Variants in SPPL2A observed in about 807,000 individuals in gnomAD.
SPPL2A encodes signal peptide peptidase-like 2A.
In SPPL2A, 51 loss-of-function variants were observed where a neutral mutation model predicts 63.8. The observed-to-expected ratio is 0.80, with a 90% CI of 0.64 to 1.01. The LOEUF (loss-of-function observed/expected upper bound fraction) is 1.01. Among genes scored for constraint, SPPL2A ranks in the 50% least tolerant of loss-of-function variants. SPPL2A has a pLI of 0.00. For missense variants in SPPL2A, 553 were observed against 622.7 expected (o/e 0.89, Z 1.19); for synonymous variants, 188 against 205.8 (o/e 0.91, Z 0.74).
intron 10 of SPPL2A, among the ~76,000 whole-genome samples, chr15:50,728,772 A>G (rs1033201370): frequency 1.3e-5 from 2 of 150,600 alleles, no homozygotes; most frequent in African/African-American, 4.9e-5. Context: ...TCTCCCGAGT[A>G]GCTGGGACTA....
chr15:50,715,980 T>C (rs894557937), intron 14 of SPPL2A, among the ~76,000 whole-genome samples: 2 of 152,022 alleles, frequency 1.3e-5, no homozygotes, highest in Admixed American at 6.6e-5. Context: ...AATAATTTTA[T>C]AAGGAATTTA....
At chr15:50,726,062 A>T in intron 11 of SPPL2A, 1 of 1,441,756 alleles carries the variant, frequency 6.9e-7, no homozygotes, top group Non-Finnish European at 9.2e-7. Context: ...TATCTAAAAT[A>T]CAATCCTTAC....
intron 1 of SPPL2A, among the ~76,000 whole-genome samples, chr15:50,760,426 A>C (rs970034016): frequency 3.3e-5 from 5 of 151,940 alleles, no homozygotes; most frequent in Non-Finnish European, 7.4e-5. Flanking sequence ...GTGCCCAGCT[A>C]ATTTGTGTAT....
intron 1 of SPPL2A, among the ~76,000 whole-genome samples, chr15:50,755,175 A>G (rs907736586): frequency 6.7e-6 from 1 of 149,998 alleles, no homozygotes; most frequent in African/African-American, 2.5e-5. Context: ...AAAATCAGCC[A>G]AGCGTGGTGG....
In SPPL2A at chr15:50,739,616, T is replaced by C. The variant is rs957322385; in HGVS notation, c.733+64A>G. ...AGAATGGCTTAAAGGAAAAGATAAA[T>C]CTAGTAATAGTCAGTGAAAAGAATG... On this transcript the variant is annotated intron_variant, in intron 6 of 14. Transcript: ENST00000261854. 13 of 1,178,100 alleles carry C rather than the reference T, an allele frequency of 1.1e-5. No homozygotes were observed. The African/African-American group carries it at 1.9e-4, about 17-fold the overall frequency. 73.0% of individuals were successfully genotyped at this position (1,178,100 alleles called of 1,614,324 possible).
At chr15:50,739,539 T>A (rs2062800852) in intron 6 of SPPL2A, 141 bp downstream of exon 6, 1 of 520,208 alleles carries the variant, frequency 1.9e-6, no homozygotes, top group South Asian at 3.4e-5. Flanking sequence ...AACACTCTGA[T>A]AATTAAAAAA....
chr15:50,713,822 C>T (rs28641162), intron 14 of SPPL2A, among the ~76,000 whole-genome samples: 14,556 of 152,046 alleles, frequency 0.096, 784 homozygotes, highest in South Asian at 0.15. Flanking sequence ...AATAACCAAA[C>T]CAACAAACAA....
chr15:50,741,179 T>C (rs1390278515), intron 5 of SPPL2A, among the ~76,000 whole-genome samples: 2 of 152,126 alleles, frequency 1.3e-5, no homozygotes, highest in Non-Finnish European at 2.9e-5. Flanking sequence ...TCCTCCTAGT[T>C]ATATGCAACC....
chr15:50,706,638 A>G lies in SPPL2A; in HGVS notation c.*1162T>C, dbSNP rs896420632. On this transcript the variant is annotated 3_prime_UTR_variant, in exon 15 of 15. Transcript: ENST00000261854. ...GGGTGGGAGTGGGGGAATGTGGGAT[A>G]ATGTTAGGAATGCTGTATTCAACGA... is the stretch of plus-strand genomic sequence containing the variant. 6.6e-6 allele frequency: 1 copy of G among 152,122 alleles called. No individual in the cohort carries two copies. The highest frequency in any genetic ancestry group is 2.1e-4 in the South Asian group (1 of 4,828). 9.4% of individuals were successfully genotyped at this position (152,122 alleles called of 1,614,324 possible).
chr15:50,720,359 C>T (rs1157406294), intron 13 of SPPL2A, among the ~76,000 whole-genome samples: 1 of 151,466 alleles, frequency 6.6e-6, no homozygotes, highest in Non-Finnish European at 1.5e-5. Flanking sequence ...TTCATGAGAG[C>T]TTCAATTATC....
At chr15:50,728,642 G>C (rs926162473) in intron 10 of SPPL2A, among the ~76,000 whole-genome samples, 11 of 141,796 alleles carry the variant, frequency 7.8e-5, no homozygotes, top group African/African-American at 2.6e-4. Flanking sequence ...CACTGCGCTC[G>C]GCCAACAATT....
In SPPL2A at chr15:50,739,836, AAC is replaced by A. The variant is rs2062804705; in HGVS notation, c.585-10_585-9del. ...ACTGCTTTCAAGTTTTCCCTGTACAAACACACAGGAACTTTAGCAAATCTTAG... is the reference window on the plus strand; with the variant it reads ...ACTGCTTTCAAGTTTTCCCTGTACAAACACAGGAACTTTAGCAAATCTTAG... On this transcript the variant is annotated splice_polypyrimidine_tract_variant and intron_variant, in intron 5 of 14. Transcript: ENST00000261854. The A allele has an allele frequency of 2.5e-6, 4 of 1,574,572 alleles. No individual in the cohort carries two copies. In the South Asian group the frequency reaches 4.8e-5, roughly 19 times the overall value.
intron 12 of SPPL2A, 121 bp downstream of exon 12, chr15:50,725,100 G>C: frequency 1.4e-6 from 1 of 704,690 alleles, no homozygotes; most frequent in East Asian, 2.8e-5. Flanking sequence ...GACAATCTCA[G>C]CTCTAGTGAC....
chr15:50,742,136 A>G (rs996846234), intron 5 of SPPL2A, among the ~76,000 whole-genome samples: 1 of 151,882 alleles, frequency 6.6e-6, no homozygotes, highest in East Asian at 2.0e-4. Flanking sequence ...TAGGCTGGGC[A>G]TGGTAGCTCA....
chr15:50,744,216 A>G (rs1283289146), intron 5 of SPPL2A, among the ~76,000 whole-genome samples: 1 of 151,980 alleles, frequency 6.6e-6, no homozygotes, highest in Non-Finnish European at 1.5e-5. Context: ...ATAATGAAGG[A>G]GAAAAACATG....
intron 3 of SPPL2A, among the ~76,000 whole-genome samples, 169 bp from the exon 4 acceptor site, chr15:50,748,371 C>A (rs1463172825): frequency 6.6e-6 from 1 of 151,288 alleles, no homozygotes; most frequent in African/African-American, 2.4e-5. Context: ...TTAACATGAA[C>A]TTAAACTGAT....
chr15:50,751,063 T>C (rs2062901626), intron 1 of SPPL2A, among the ~76,000 whole-genome samples: 1 of 152,186 alleles, frequency 6.6e-6, no homozygotes, highest in Non-Finnish European at 1.5e-5. Context: ...CATTTTGGAT[T>C]AGAGGGTTTA....
intron 5 of SPPL2A, chr15:50,746,900 T>TCAAGG (rs1316628892): frequency 6.5e-6 from 1 of 152,690 alleles, no homozygotes; most frequent in African/African-American, 2.4e-5. Flanking sequence ...ACTCCTGACC[T>TCAAGG]CAGGTGATCT....
chr15:50,725,410 T>C, intron 11 of SPPL2A, 87 bp from the exon 12 acceptor site: 2 of 739,582 alleles, frequency 2.7e-6, no homozygotes, highest in Non-Finnish European at 2.4e-6. Context: ...TCTTTACTCA[T>C]ATCTTTTATT....
Sources: gnomAD v4.1 joint callset for allele counts (sites outside exome capture counted in the v4.1 genomes callset) on GRCh38, gnomAD v4.1.1 for gene constraint, MANE v1.5 for transcripts, NCBI Gene and HGNC (gene_info 2026-07-23, HGNC 2026-07-21) for gene names.